NUBP1: variants seen among roughly 807,000 people sequenced by gnomAD.
The protein encoded by NUBP1 is cytosolic Fe-S cluster assembly factor NUBP1.
A neutral mutation model predicts 41.8 loss-of-function variants in NUBP1; 46 were observed. That is an observed-to-expected ratio of 1.10 (90% CI 0.87 to 1.41). NUBP1 has a LOEUF of 1.41. NUBP1 is among the 40% of genes most tolerant of loss of function. The pLI is 0.00. For synonymous variants in NUBP1, 189 were observed against 154.6 expected, an observed-to-expected ratio of 1.22 and a Z score of -1.65; for missense variants, 494 against 414.0, an observed-to-expected ratio of 1.19 and a Z score of -1.68.
At chr16:10,763,231 G>C (rs1477942532) in intron 9 of NUBP1, among the ~76,000 whole-genome samples, 1 of 152,056 alleles carries the variant, frequency 6.6e-6, no homozygotes, top group African/African-American at 2.4e-5. Context: ...GGAGAAGGTG[G>C]TTCATGTCCG....
At position 10,768,263 on chromosome 16, in the gene NUBP1, C is replaced by A; in HGVS notation, c.904+231C>A. The stretch of plus-strand genomic sequence containing the variant: ...GGTGAAATTTATGGCTTAGGAAATA[C>A]ATCCCAATAAAGGGATAAAGTAATT... On this transcript the variant is annotated intron_variant, in intron 10 of 10. Coordinates refer to ENST00000283027, the MANE Select transcript of NUBP1 (RefSeq NM_002484.4). This position sits in a 1 kb window ranked among gnomAD's most constrained non-coding sequence, Gnocchi z 4.3. 4 of 355,446 alleles carry A rather than the reference C, an allele frequency of 1.1e-5. No homozygotes were observed. Among genetic ancestry groups the A allele is most frequent in the South Asian group, 5.0e-5 (1 of 19,936 alleles). The allele number at this position is 355,446 out of a possible 1,614,324, so 22.0% of individuals were successfully genotyped here.
At chr16:10,758,117 C>A in intron 7 of NUBP1, 90 bp downstream of exon 7, 3 of 1,439,536 alleles carry the variant, frequency 2.1e-6, no homozygotes, top group East Asian at 2.3e-5. Flanking sequence ...CTGGTCTCAC[C>A]AAGGCTCTTC....
rs1011202795 is a variant in NUBP1 at position 10,757,291 on chromosome 16, CA to C, written c.451+520del. ...TGTGTGACAGAGCGAGACTTTTTCT[CA>C]AAAAAAAAGCTATAGAACCCTGAAA... On this transcript the variant is annotated intron_variant, in intron 6 of 10. Coordinates refer to ENST00000283027, the MANE Select transcript of NUBP1 (RefSeq NM_002484.4). The surrounding 1 kb of genome is among the most constrained non-coding windows in gnomAD (Gnocchi z 4.1). 1.3e-5 allele frequency among the ~76,000 whole-genome samples: 2 copies of C among 150,280 alleles called. No homozygotes were observed. The highest frequency in any genetic ancestry group is 4.9e-5 in the African/African-American group (2 of 40,896).
Position 10,767,458 on chromosome 16 carries a change from G to C in NUBP1, c.821-491G>C, listed in dbSNP as rs1034539795. The C allele has an allele frequency of 2.5e-6, 1 of 395,906 alleles. No individual in the cohort carries two copies. Among genetic ancestry groups the C allele is most frequent in the Admixed American group, 4.4e-5 (1 of 22,822 alleles). The allele number at this position is 395,906 out of a possible 1,614,324, so 24.5% of individuals were successfully genotyped here. A position where few individuals can be genotyped will look rare whatever the true frequency, so the allele number is the denominator to read the frequency against. On this transcript the variant is annotated intron_variant, in intron 9 of 10. Transcript: ENST00000283027. This position sits in a 1 kb window ranked among gnomAD's most constrained non-coding sequence, Gnocchi z 4.6. ...TCATGTGCTCCCATTCGTATTTTAG[G>C]TATATGAGAGTGTGTGTATGTGTGT...
At chr16:10,747,359 C>T (rs1333163142) in intron 3 of NUBP1, 83 bp downstream of exon 3, 15 of 1,552,200 alleles carry the variant, frequency 9.7e-6, no homozygotes, top group Admixed American at 3.5e-5. Context: ...CTAGGCCAGG[C>T]GCAGTGGTTC....
At position 10,743,984 on chromosome 16, in the gene NUBP1, C is replaced by A. The variant is rs752587120; in HGVS notation, c.43C>A (p.Gln15Lys). The change falls in exon 2 of 11, where the codon CAG becomes AAG. Residue 15 changes from glutamine (Q) to lysine (K), a missense_variant. Coordinates refer to ENST00000283027, the MANE Select transcript of NUBP1 (RefSeq NM_002484.4). ...AGACTGTCCAGGGGCCGACAGCGCCCAGGCGGGCAGAGGGGCTTCATGTCA... is the reference window on the plus strand; with the variant it reads ...AGACTGTCCAGGGGCCGACAGCGCCAAGGCGGGCAGAGGGGCTTCATGTCA... ...PHDCPGADSA[Q>K]AGRGASCQGC... is the part of the protein sequence containing the mutation. 1 of 1,581,846 alleles carries A rather than the reference C, an allele frequency of 6.3e-7. No homozygotes were observed. The highest frequency in any genetic ancestry group is 2.3e-5 in the East Asian group (1 of 43,110).
In NUBP1 at chr16:10,757,744, C is replaced by A; in HGVS notation, c.452-129C>A. The A allele has an allele frequency of 8.9e-7, 1 of 1,125,608 alleles. No homozygotes were observed. The highest frequency in any genetic ancestry group is 1.3e-6 in the Non-Finnish European group (1 of 787,028). 69.7% of individuals were successfully genotyped at this position (1,125,608 alleles called of 1,614,324 possible). ...TTGGGAGGCTGAGGTGGGAGGATTG[C>A]TTGAGCCTCAGAGTTAAGAGCCAAC... On this transcript the variant is annotated intron_variant, in intron 6 of 10. Transcript: ENST00000283027. This position sits in a 1 kb window ranked among gnomAD's most constrained non-coding sequence, Gnocchi z 4.1.
At position 10,749,417 on chromosome 16, in the gene NUBP1, G is replaced by A. The variant is rs1044532027; in HGVS notation, c.258+2141G>A. Among the ~76,000 whole-genome samples, 8 of 152,068 alleles carry A rather than the reference G, an allele frequency of 5.3e-5. No individual in the cohort carries two copies. The highest frequency in any genetic ancestry group is 1.0e-4 in the Non-Finnish European group (7 of 68,026). On this transcript the variant is annotated intron_variant, in intron 3 of 10. Coordinates refer to ENST00000283027, the MANE Select transcript of NUBP1 (RefSeq NM_002484.4). This position sits in a 1 kb window ranked among gnomAD's most constrained non-coding sequence, Gnocchi z 4.1. ...ACATCCTTCACTTTCATGTAATTAC[G>A]TTCTGAAGTCTTTGCTGCATGCCTG...
chr16:10,766,187 C>G lies in NUBP1; in HGVS notation c.821-1762C>G, dbSNP rs1472131173. The G allele has an allele frequency of 6.6e-6, 1 of 152,390 alleles. No individual in the cohort carries two copies. The highest frequency in any genetic ancestry group is 2.4e-5 in the African/African-American group (1 of 41,468). 9.4% of individuals were successfully genotyped at this position (152,390 alleles called of 1,614,324 possible). ...CACAGGAAGGGCTGGCCTCAGAGCC[C>G]TGCTCCGCCACCACTAGCTGTGGGA... On this transcript the variant is annotated intron_variant, in intron 9 of 10. Transcript: ENST00000283027. This position sits in a 1 kb window ranked among gnomAD's most constrained non-coding sequence, Gnocchi z 4.8.
chr16:10,761,735 C>T (rs756397997), intron 8 of NUBP1, 22 bp from the exon 9 acceptor site: 8 of 1,585,290 alleles, frequency 5.0e-6, no homozygotes, highest in Non-Finnish European at 2.6e-6. Flanking sequence ...TATGTTTCCT[C>T]CCCTTTGAAT....
chr16:10,748,597 G>A (rs1900167057), intron 3 of NUBP1, among the ~76,000 whole-genome samples: 1 of 152,166 alleles, frequency 6.6e-6, no homozygotes, highest in African/African-American at 2.4e-5. Context: ...CTATAAAATG[G>A]GACTCCAAGG....
At chr16:10,745,942 A>C (rs1900043205) in intron 2 of NUBP1, among the ~76,000 whole-genome samples, 1 of 152,212 alleles carries the variant, frequency 6.6e-6, no homozygotes, top group South Asian at 2.1e-4. Context: ...TACAGTCCTA[A>C]AGTTACAGTT....
intron 9 of NUBP1, among the ~76,000 whole-genome samples, chr16:10,762,357 G>A (rs2142764179): frequency 6.6e-6 from 1 of 152,338 alleles, no homozygotes; most frequent in Non-Finnish European, 1.5e-5. Flanking sequence ...CCCAAAAAAT[G>A]CTCTTCTTAA....
intron 4 of NUBP1, among the ~76,000 whole-genome samples, chr16:10,754,708 C>G (rs565999644): frequency 6.6e-6 from 1 of 152,156 alleles, no homozygotes; most frequent in African/African-American, 2.4e-5. Context: ...GTGGTGACAG[C>G]TGAGGGGTAT....
At chr16:10,752,996 C>T (rs1302953548) in intron 4 of NUBP1, among the ~76,000 whole-genome samples, 2 of 152,082 alleles carry the variant, frequency 1.3e-5, no homozygotes, top group Non-Finnish European at 1.5e-5. Flanking sequence ...GGTTTCACTA[C>T]GTTGGCCAAG....
At position 10,769,027 on chromosome 16, in the gene NUBP1, C is replaced by T; in HGVS notation, c.905-20C>T. The T allele has an allele frequency of 6.2e-7, 1 of 1,613,156 alleles. No homozygotes were observed. The highest frequency in any genetic ancestry group is 8.5e-7 in the Non-Finnish European group (1 of 1,179,162). On this transcript the variant is annotated intron_variant, in intron 10 of 10. Transcript: ENST00000283027. ...GTAGACAAGCCATTAGCACTCTATG[C>T]CTGTCGTCTTGTTTTCCAGGAATCC...
intron 9 of NUBP1, among the ~76,000 whole-genome samples, chr16:10,764,296 A>C (rs566218201): frequency 6.6e-6 from 1 of 152,280 alleles, no homozygotes; most frequent in South Asian, 2.1e-4. Context: ...AGTCTGCTGG[A>C]GTATTTGTCT....
intron 4 of NUBP1, 83 bp from the exon 5 acceptor site, chr16:10,755,638 A>G: frequency 1.5e-6 from 2 of 1,376,896 alleles, no homozygotes; most frequent in Non-Finnish European, 2.1e-6. Flanking sequence ...CCATCGTCTT[A>G]CTTTGTACAA....
At chr16:10,764,404 T>A (rs2030527413) in intron 9 of NUBP1, among the ~76,000 whole-genome samples, 1 of 151,426 alleles carries the variant, frequency 6.6e-6, no homozygotes, top group Non-Finnish European at 1.5e-5. Flanking sequence ...TCTGCTGGAG[T>A]ATTTGTCTAT....
Sources: allele counts gnomAD v4.1 joint callset (sites outside exome capture counted in the v4.1 genomes callset), GRCh38; gene constraint gnomAD v4.1.1; non-coding constraint Gnocchi (gnomAD v3.1); transcripts MANE v1.5; gene names NCBI Gene and HGNC (gene_info 2026-07-23, HGNC 2026-07-21).